The following PCDHGA2 variants were observed in gnomAD, a reference collection of about 807,000 sequenced individuals.
PCDHGA2 encodes protocadherin gamma subfamily A, 2.
A neutral mutation model predicts 59.2 loss-of-function variants in PCDHGA2; 40 were observed. The ratio of observed to expected loss-of-function variants is 0.68; its 90% CI spans 0.52 to 0.88. PCDHGA2 has a LOEUF of 0.88. Among genes scored for constraint, PCDHGA2 ranks in the 40% least tolerant of loss-of-function variants. The pLI is 0.00. For synonymous variants in PCDHGA2, 560 were observed against 526.0 expected (o/e 1.06, Z -0.89); for missense variants, 1,226 against 1,204.0 (o/e 1.02, Z -0.27).
At position 141,486,055 on chromosome 5, in the gene PCDHGA2, C is replaced by T; in HGVS notation, c.2425-8752C>T. 6.2e-7 allele frequency: 1 copy of T among 1,614,170 alleles called. No individual in the cohort carries two copies. ...CTGATCGTGTAAGAAACCTCTTTAG[C>T]CTGCACCCCACTACTGGAAAGCTTA... On this transcript the variant is annotated intron_variant, in intron 1 of 3. Transcript: ENST00000394576. The surrounding 1 kb of genome is among the most constrained non-coding windows in gnomAD (Gnocchi z 5.0).
At chr5:141,396,764 T>C (rs1040059955) in intron 1 of PCDHGA2, 1 of 152,236 alleles carries the variant, frequency 6.6e-6, no homozygotes, top group Non-Finnish European at 1.5e-5. Context: ...CCAATAAATG[T>C]TTGTTATTAA....
intron 1 of PCDHGA2, chr5:141,420,364 ACTT>A (rs746817317): frequency 1.3e-4 from 174 of 1,368,558 alleles, no homozygotes; most frequent in Non-Finnish European, 1.6e-4. Context: ...ATTCTAGATA[ACTT>A]CTTCATAGAG....
At chr5:141,414,926 G>T (rs2095802657) in intron 1 of PCDHGA2, 3 of 1,614,114 alleles carry the variant, frequency 1.9e-6, no homozygotes, top group Admixed American at 1.7e-5. Flanking sequence ...CTGGCGCCCC[G>T]CTCCGCAGAG....
intron 1 of PCDHGA2, chr5:141,344,545 A>G (rs1561488097): frequency 8.1e-6 from 13 of 1,613,916 alleles, no homozygotes; most frequent in Non-Finnish European, 1.1e-5. Flanking sequence ...CAGAACTACA[A>G]GCTTAGCCCC....
chr5:141,385,771 C>A, intron 1 of PCDHGA2: 1 of 163,128 alleles, frequency 6.1e-6, no homozygotes, highest in Non-Finnish European at 1.3e-5. Context: ...CTGATTCTGC[C>A]TCCATGTACC....
chr5:141,487,718 A>G lies in PCDHGA2; in HGVS notation c.2425-7089A>G. Reference sequence around the variant, plus strand: ...TACTGGCCTCTCAGTAAGTGCCCATAGTGATGTCACCATTTTTGTAAGAGG... The same window carrying G: ...TACTGGCCTCTCAGTAAGTGCCCATGGTGATGTCACCATTTTTGTAAGAGG... On this transcript the variant is annotated intron_variant, in intron 1 of 3. Coordinates refer to ENST00000394576, the MANE Select transcript of PCDHGA2 (RefSeq NM_018915.4). The surrounding 1 kb of genome is among the most constrained non-coding windows in gnomAD (Gnocchi z 5.0). The G allele has an allele frequency of 1.3e-6, 2 of 1,580,268 alleles. No individual in the cohort carries two copies. The highest frequency in any genetic ancestry group is 1.7e-6 in the Non-Finnish European group (2 of 1,161,186).
chr5:141,425,897 A>G (rs893972047), intron 1 of PCDHGA2, among the ~76,000 whole-genome samples: 1 of 152,240 alleles, frequency 6.6e-6, no homozygotes, highest in African/African-American at 2.4e-5. Context: ...TTTGGTAGTA[A>G]ACACTGGAAA....
chr5:141,383,975 A>G (rs2150246512), intron 1 of PCDHGA2: 3 of 1,613,820 alleles, frequency 1.9e-6, no homozygotes, highest in South Asian at 2.2e-5. Flanking sequence ...ATCCCTGAAG[A>G]CACACCTCTT....
At chr5:141,352,725 C>T (rs773412097) in intron 1 of PCDHGA2, 4 of 1,528,522 alleles carry the variant, frequency 2.6e-6, no homozygotes, top group Non-Finnish European at 3.5e-6. Flanking sequence ...CGCGGTGGCT[C>T]AAGCCTGTAA....
At position 141,486,634 on chromosome 5, in the gene PCDHGA2, T is replaced by C; in HGVS notation, c.2425-8173T>C. 1 of 1,613,762 alleles carries C rather than the reference T, an allele frequency of 6.2e-7. No individual in the cohort carries two copies. The highest frequency in any genetic ancestry group is 8.5e-7 in the Non-Finnish European group (1 of 1,180,044). ...CCTCTGACCCAGACTCTGGCTTGAA[T>C]GCGCTTATCTCCTACTCACTCCTGG... On this transcript the variant is annotated intron_variant, in intron 1 of 3. Coordinates refer to ENST00000394576, the MANE Select transcript of PCDHGA2 (RefSeq NM_018915.4). The surrounding 1 kb of genome is among the most constrained non-coding windows in gnomAD (Gnocchi z 5.0).
rs756742340 is a variant in PCDHGA2, at chr5:141,366,531, G to A, written c.2424+25136G>A. 11 of 1,614,152 alleles carry A rather than the reference G, an allele frequency of 6.8e-6. No individual in the cohort carries two copies. The Admixed American group carries it at 1.5e-4, about 22-fold the overall frequency. On this transcript the variant is annotated intron_variant, in intron 1 of 3. Coordinates refer to ENST00000394576, the MANE Select transcript of PCDHGA2 (RefSeq NM_018915.4). The stretch of plus-strand genomic sequence containing the variant: ...CAGGCTGAAGGCAGCAGGTTGGCGG[G>A]TGTGCCCGCCTCGCACTTTGTGGGC...
Position 141,431,920 on chromosome 5 carries a change from A to C in PCDHGA2, c.2425-62887A>C. On this transcript the variant is annotated intron_variant, in intron 1 of 3. Transcript: ENST00000394576. The surrounding 1 kb of genome is among the most constrained non-coding windows in gnomAD (Gnocchi z 4.8). ...ACGGACAGGTGATCTGTTTCATCCA[A>C]GGAAATCTGCCCTTTAAATTAGAAA... 1 of 1,614,164 alleles carries C rather than the reference A, an allele frequency of 6.2e-7. No individual in the cohort carries two copies. Among genetic ancestry groups the C allele is most frequent in the Non-Finnish European group, 8.5e-7 (1 of 1,179,976 alleles).
intron 3 of PCDHGA2, among the ~76,000 whole-genome samples, chr5:141,510,230 G>A (rs1285202719): frequency 2.7e-5 from 4 of 149,638 alleles, no homozygotes; most frequent in Non-Finnish European, 5.9e-5. Context: ...CCGGGATCGC[G>A]CCACTGCACT....
chr5:141,477,052 C>T lies in PCDHGA2; in HGVS notation c.2425-17755C>T. On this transcript the variant is annotated intron_variant, in intron 1 of 3. Coordinates refer to ENST00000394576, the MANE Select transcript of PCDHGA2 (RefSeq NM_018915.4). The surrounding 1 kb of genome is among the most constrained non-coding windows in gnomAD (Gnocchi z 4.9). ...TGACAATCAAGGGTCGGCTGGACTT[C>T]GAGGACACCAAACTCCATGAGATTT... 1.2e-6 allele frequency: 2 copies of T among 1,614,240 alleles called. No individual in the cohort carries two copies. The highest frequency in any genetic ancestry group is 1.7e-6 in the Non-Finnish European group (2 of 1,180,032).
chr5:141,435,614 C>A, intron 1 of PCDHGA2, among the ~76,000 whole-genome samples: 1 of 152,056 alleles, frequency 6.6e-6, no homozygotes, highest in East Asian at 1.9e-4. Flanking sequence ...ACATTAAATT[C>A]CCCATAACTT....
At chr5:141,389,562 G>C in intron 1 of PCDHGA2, 1 of 1,613,284 alleles carries the variant, frequency 6.2e-7, no homozygotes, top group Middle Eastern at 1.7e-4. Context: ...TGCGCCACGG[G>C]TGCTGTACCC....
intron 1 of PCDHGA2, chr5:141,343,434 G>A (rs1757285731): frequency 1.1e-6 from 1 of 930,984 alleles, no homozygotes; most frequent in African/African-American, 1.8e-5. Flanking sequence ...GTAAGTATAA[G>A]AATAAACACA....
intron 1 of PCDHGA2, chr5:141,408,186 G>A (rs529140572): frequency 1.7e-4 from 266 of 1,542,242 alleles, no homozygotes; most frequent in Non-Finnish European, 2.2e-4. Flanking sequence ...GGGACCCAGC[G>A]AGAACCCGAG....
rs1291009236 is a variant in PCDHGA2, at chr5:141,339,792, A to G, written c.821A>G (p.Tyr274Cys). 6.2e-7 allele frequency: 1 copy of G among 1,614,162 alleles called. No homozygotes were observed. ...GCCACTGACGCAGATGAGGGCTACT[A>G]CGCTCAAGTGGTATATTTTCTAGAG... ...VTATDADEGY[Y>C]AQVVYFLEKS... The change falls in exon 1 of 4, where the codon TAC becomes TGC. Residue 274 changes from tyrosine to cysteine, a missense_variant. By Grantham distance (194) the Tyr-to-Cys change is radical. Coordinates refer to ENST00000394576, the MANE Select transcript of PCDHGA2 (RefSeq NM_018915.4).
Sources: gnomAD v4.1 joint callset for allele counts (sites outside exome capture counted in the v4.1 genomes callset) on GRCh38, gnomAD v4.1.1 for gene constraint, Gnocchi (gnomAD v3.1) non-coding constraint, MANE v1.5 for transcripts, NCBI Gene and HGNC (gene_info 2026-07-23, HGNC 2026-07-21) for gene names.